Variants in FAM72C observed in about 807,000 individuals in gnomAD.
FAM72C encodes protein FAM72C.
FAM72C carries 1 observed loss-of-function variant against 5.2 expected under a neutral mutation model. The ratio of observed to expected loss-of-function variants is 0.19; its 90% confidence interval spans 0.07 to 0.91. The LOEUF (loss-of-function observed/expected upper bound fraction) is 0.91. FAM72C is among the 40% of genes least tolerant of loss of function. FAM72C has a pLI of 0.66. For missense variants in FAM72C, 4 were observed against 66.0 expected (o/e 0.06, Z 3.25); for synonymous variants, 1 against 21.8 (o/e 0.05, Z 2.66).
chr1:143,967,595 A>G (rs1212428306), intron 2 of FAM72C, among the ~76,000 whole-genome samples: 10 of 131,304 alleles, frequency 7.6e-5, no homozygotes, highest in Admixed American at 3.0e-4. Flanking sequence ...TAGTTCCTCA[A>G]TACAAGTATA....
rs1255827785 is a variant in FAM72C, at chr1:143,960,831, A to ATT, written c.355+4022_355+4023dup. On this transcript the variant is annotated intron_variant, in intron 3 of 3. Coordinates refer to ENST00000584486, the MANE Select transcript of FAM72C (RefSeq NM_001287385.2). ...TGGTAGTGTACTTTCTTACTAAAAT[A>ATT]TTTTTTTTTTTTTTTTTTTTGAGAC... 1.3e-3 allele frequency among the ~76,000 whole-genome samples: 147 copies of ATT among 115,286 alleles called. 2 individuals are homozygous for ATT. Among genetic ancestry groups the ATT allele is most frequent in the African/African-American group, 2.4e-3 (72 of 29,826 alleles). 75.6% of individuals were successfully genotyped at this position (115,286 alleles called of 152,430 possible). A position where few individuals can be genotyped will look rare whatever the true frequency, so the allele number is the denominator to read the frequency against.
chr1:143,966,982 C>G (rs1377514458), intron 2 of FAM72C, among the ~76,000 whole-genome samples: 2 of 144,482 alleles, frequency 1.4e-5, no homozygotes, highest in African/African-American at 2.6e-5. Flanking sequence ...GAGCCAAGAT[C>G]ATGCCATTGC....
chr1:143,960,813 G>A (rs1356388166), intron 3 of FAM72C, among the ~76,000 whole-genome samples: 1 of 136,590 alleles, frequency 7.3e-6, no homozygotes, highest in Non-Finnish European at 1.6e-5. Context: ...AATTGGTAGT[G>A]TACTTTCTTA....
At chr1:143,966,961 G>A (rs1661790467) in intron 2 of FAM72C, among the ~76,000 whole-genome samples, 1 of 144,612 alleles carries the variant, frequency 6.9e-6, no homozygotes, top group African/African-American at 2.6e-5. Context: ...CCAGAAGACG[G>A]AGGTTGCAGT....
chr1:143,960,810 A>T (rs1661600604), intron 3 of FAM72C, among the ~76,000 whole-genome samples: 1 of 139,102 alleles, frequency 7.2e-6, no homozygotes, highest in African/African-American at 2.7e-5. Flanking sequence ...AAGAATTGGT[A>T]GTGTACTTTC....
chr1:143,962,369 C>T (rs1238085530), intron 3 of FAM72C, among the ~76,000 whole-genome samples: 1 of 131,504 alleles, frequency 7.6e-6, no homozygotes, highest in Non-Finnish European at 1.7e-5. Flanking sequence ...ATGGTGCGAT[C>T]TCGGCTCACT....
chr1:143,967,052 T>C (rs1295329584), intron 2 of FAM72C, among the ~76,000 whole-genome samples: 1 of 142,520 alleles, frequency 7.0e-6, no homozygotes, highest in African/African-American at 2.6e-5. Context: ...AAAATGTCGT[T>C]GCCCAGGTGC....
chr1:143,959,879 A>G (rs1553517692), intron 3 of FAM72C, among the ~76,000 whole-genome samples: 1 of 135,978 alleles, frequency 7.4e-6, no homozygotes, highest in African/African-American at 3.1e-5. Flanking sequence ...GAGAAGGCTG[A>G]GATGGAAGAA....
Position 143,955,518 on chromosome 1 carries a change from C to T in FAM72C, c.*869G>A, listed in dbSNP as rs1367616346. 1.4e-5 allele frequency: 2 copies of T among 143,668 alleles called. No individual in the cohort carries two copies. Among genetic ancestry groups the T allele is most frequent in the African/African-American group, 2.6e-5 (1 of 38,330 alleles). The allele number at this position is 143,668 out of a possible 1,614,324, so 8.9% of individuals were successfully genotyped here. On this transcript the variant is annotated 3_prime_UTR_variant, in exon 4 of 4. Coordinates refer to ENST00000584486, the MANE Select transcript of FAM72C (RefSeq NM_001287385.2). The stretch of plus-strand genomic sequence containing the variant: ...ACCCTACTTTCCTATTCCTTTGTGG[C>T]TCTGAATGCAGCTTTAAAAAAAACA...
Position 143,971,464 on chromosome 1 carries a change from GAGTC to G in FAM72C, c.-327_-324del. 1 of 30,200 alleles carries G rather than the reference GAGTC, an allele frequency of 3.3e-5. No individual in the cohort carries two copies. The highest frequency in any genetic ancestry group is 1.5e-4 in the South Asian group (1 of 6,598). 1.9% of individuals were successfully genotyped at this position (30,200 alleles called of 1,614,324 possible). A position where few individuals can be genotyped will look rare whatever the true frequency, so the allele number is the denominator to read the frequency against. ...GGCTTTCCCTTTCTGCTGTCTAAAG[GAGTC>G]CTCTACACTTCAGCTCCCGCCCCTT... On this transcript the variant is annotated 5_prime_UTR_variant, in exon 1 of 4. The change abolishes the stop of an existing upstream ORF in the 5' untranslated region. Coordinates refer to ENST00000584486, the MANE Select transcript of FAM72C (RefSeq NM_001287385.2).
At chr1:143,967,161 C>T (rs1177606175) in intron 2 of FAM72C, among the ~76,000 whole-genome samples, 1 of 145,652 alleles carries the variant, frequency 6.9e-6, no homozygotes, top group African/African-American at 2.5e-5. Context: ...TGGCGAAATC[C>T]CGTCTCTACT....
At chr1:143,960,786 T>A (rs1257753992) in intron 3 of FAM72C, among the ~76,000 whole-genome samples, 15 of 128,674 alleles carry the variant, frequency 1.2e-4, no homozygotes, top group African/African-American at 3.4e-4. Flanking sequence ...GGAAAAAGAA[T>A]TTTTTTTTTT....
intron 1 of FAM72C, among the ~76,000 whole-genome samples, 191 bp downstream of exon 1, chr1:143,970,799 A>AC (rs1661868126): frequency 1.5e-5 from 1 of 68,834 alleles, no homozygotes; most frequent in African/African-American, 5.2e-5. Flanking sequence ...ATCAGGACTG[A>AC]CCACCTTGGC....
intron 3 of FAM72C, among the ~76,000 whole-genome samples, chr1:143,960,797 T>TA (rs1205764535): frequency 1.4e-5 from 2 of 143,150 alleles, no homozygotes; most frequent in Admixed American, 7.0e-5. Flanking sequence ...TTTTTTTTTT[T>TA]AAAAGAATTG....
intron 3 of FAM72C, among the ~76,000 whole-genome samples, chr1:143,959,091 T>C (rs1661523397): frequency 7.3e-6 from 1 of 136,674 alleles, no homozygotes; most frequent in Non-Finnish European, 1.6e-5. Context: ...AACTAAGAGA[T>C]TGGATCTGAC....
At chr1:143,960,474 T>C (rs1324127085) in intron 3 of FAM72C, among the ~76,000 whole-genome samples, 2 of 128,034 alleles carry the variant, frequency 1.6e-5, no homozygotes, top group Non-Finnish European at 3.3e-5. Flanking sequence ...TCCCATGTAA[T>C]CCCAGCACTT....
intron 3 of FAM72C, among the ~76,000 whole-genome samples, chr1:143,959,084 T>G (rs1661523296): frequency 7.3e-6 from 1 of 136,428 alleles, no homozygotes; most frequent in Non-Finnish European, 1.6e-5. Flanking sequence ...AAAAATAAAC[T>G]AAGAGATTGG....
At chr1:143,964,023 T>C (rs1231909656) in intron 3 of FAM72C, among the ~76,000 whole-genome samples, 1 of 48,054 alleles carries the variant, frequency 2.1e-5, no homozygotes, top group African/African-American at 7.8e-5. Context: ...CTCAGCATGC[T>C]GCCCAGGCTG....
At chr1:143,963,879 A>G (rs1386980302) in intron 3 of FAM72C, among the ~76,000 whole-genome samples, 2 of 128,432 alleles carry the variant, frequency 1.6e-5, no homozygotes, top group African/African-American at 5.9e-5. Flanking sequence ...ATGCACTGGC[A>G]TGATCACAGC....
Sources: gnomAD v4.1 joint callset for allele counts (sites outside exome capture counted in the v4.1 genomes callset) on GRCh38, gnomAD v4.1.1 for gene constraint, MANE v1.5 for transcripts, NCBI Gene and HGNC (gene_info 2026-07-23, HGNC 2026-07-21) for gene names.